Variants in SPIDR observed in about 807,000 individuals in gnomAD.
SPIDR encodes the protein DNA repair-scaffolding protein.
Under a neutral mutation model 104.6 loss-of-function variants are expected in SPIDR, and 93 were observed. The observed-to-expected ratio is 0.89, with a 90% CI of 0.75 to 1.06. The LOEUF is 1.06. SPIDR is among the 50% of genes least tolerant of loss of function. The probability of loss-of-function intolerance (pLI) is 0.00; values close to 1 mark genes in which losing one functional copy is unlikely to be tolerated. For missense variants in SPIDR, 1,154 were observed against 1,111.2 expected (o/e 1.04, Z -0.55); for synonymous variants, 431 against 416.9 (o/e 1.03, Z -0.41).
chr8:47,675,375 C>T lies in SPIDR; in HGVS notation c.1685+1434C>T, dbSNP rs563491028. On this transcript the variant is annotated intron_variant, in intron 11 of 19. Coordinates refer to ENST00000297423, the MANE Select transcript of SPIDR (RefSeq NM_001080394.4). ...ATAAATACTTCCTCTTGTTTGTAAA[C>T]AGGCAGCTATATTATAATTTAATTG... 2.6e-5 allele frequency among the ~76,000 whole-genome samples: 4 copies of T among 152,288 alleles called. No individual in the cohort carries two copies. The East Asian group carries it at 5.8e-4, about 22-fold the overall frequency.
At chr8:47,499,682 C>T (rs545773570) in intron 8 of SPIDR, among the ~76,000 whole-genome samples, 2 of 152,050 alleles carry the variant, frequency 1.3e-5, no homozygotes, top group Admixed American at 6.5e-5. Flanking sequence ...TACATGTGCA[C>T]AACGTGCAGG....
chr8:47,620,093 A>G (rs1450328696), intron 10 of SPIDR, among the ~76,000 whole-genome samples: 1 of 152,202 alleles, frequency 6.6e-6, no homozygotes, highest in East Asian at 1.9e-4. Flanking sequence ...TATTAATAGA[A>G]AGCGTACTAG....
intron 10 of SPIDR, among the ~76,000 whole-genome samples, chr8:47,612,638 T>C (rs767756851): frequency 6.6e-6 from 1 of 152,180 alleles, no homozygotes; most frequent in Non-Finnish European, 1.5e-5. Context: ...CTGTTTTATG[T>C]TTGGGTGGAA....
intron 5 of SPIDR, among the ~76,000 whole-genome samples, chr8:47,304,616 G>A (rs2042815073): frequency 6.6e-6 from 1 of 152,106 alleles, no homozygotes; most frequent in South Asian, 2.1e-4. Flanking sequence ...TTCACCATGT[G>A]AAGTGCCTGC....
Position 47,707,234 on chromosome 8 carries a change from C to CA in SPIDR, c.1977+5220dup, listed in dbSNP as rs2081226911. 2.2e-5 allele frequency among the ~76,000 whole-genome samples: 3 copies of CA among 134,656 alleles called. 1 individual carries two copies. In the South Asian group the frequency reaches 7.2e-4, roughly 32 times the overall value. The allele number at this position is 134,656 out of a possible 152,430, so 88.3% of individuals were successfully genotyped here. On this transcript the variant is annotated intron_variant, in intron 14 of 19. Transcript: ENST00000297423. Reference sequence around the variant, plus strand: ...CTCCATTGCACTCCAGCCTGGGTGACAGAGTGAGACTCTTTCTCAAAAAAA... The same window carrying CA: ...CTCCATTGCACTCCAGCCTGGGTGACAAGAGTGAGACTCTTTCTCAAAAAAA...
chr8:47,394,366 G>A (rs1168936940), intron 5 of SPIDR, among the ~76,000 whole-genome samples: 1 of 152,176 alleles, frequency 6.6e-6, no homozygotes, highest in African/African-American at 2.4e-5. Flanking sequence ...CAAGCAGCAT[G>A]AATCCTCTTC....
chr8:47,340,323 G>T (rs141821441), intron 5 of SPIDR, among the ~76,000 whole-genome samples: 5 of 152,230 alleles, frequency 3.3e-5, no homozygotes, highest in Admixed American at 1.3e-4. Context: ...AACGTGAATA[G>T]GCCAGGTGCA....
intron 12 of SPIDR, among the ~76,000 whole-genome samples, chr8:47,701,325 G>A (rs1415534174): frequency 7.9e-5 from 12 of 152,128 alleles, no homozygotes; most frequent in Admixed American, 7.2e-4. Flanking sequence ...CCAGCTACTC[G>A]GGAGGCTGAG....
At chr8:47,610,937 G>A (rs184051669) in intron 10 of SPIDR, among the ~76,000 whole-genome samples, 2 of 152,180 alleles carry the variant, frequency 1.3e-5, no homozygotes, top group Non-Finnish European at 2.9e-5. Context: ...TAAGCTCTAC[G>A]TGTTTTCTTT....
intron 5 of SPIDR, among the ~76,000 whole-genome samples, chr8:47,325,060 C>T (rs1480651907): frequency 2.2e-4 from 34 of 152,210 alleles, no homozygotes; most frequent in African/African-American, 8.2e-4. Flanking sequence ...TATTTAAAGA[C>T]CTTATCTCTA....
chr8:47,340,110 C>CT (rs148289277), intron 5 of SPIDR, among the ~76,000 whole-genome samples: 1 of 151,842 alleles, frequency 6.6e-6, no homozygotes, highest in Non-Finnish European at 1.5e-5. Flanking sequence ...TTTTTAGTGG[C>CT]TGTTATGATT....
Position 47,263,967 on chromosome 8 carries a change from C to T in SPIDR, c.33+2976C>T, listed in dbSNP as rs533686713. Among the ~76,000 whole-genome samples, 4 of 152,226 alleles carry T rather than the reference C, an allele frequency of 2.6e-5. No homozygotes were observed. The East Asian group carries it at 7.7e-4, about 29-fold the overall frequency. ...CTTCAGCCCATATTCCCCAGAATAC[C>T]TGTCATATCCCTTGTATGTACTAGA... On this transcript the variant is annotated intron_variant, in intron 1 of 19. Coordinates refer to ENST00000297423, the MANE Select transcript of SPIDR (RefSeq NM_001080394.4).
intron 5 of SPIDR, among the ~76,000 whole-genome samples, chr8:47,348,036 C>G (rs192025367): frequency 3.5e-4 from 54 of 152,214 alleles, no homozygotes; most frequent in Non-Finnish European, 1.8e-4. Context: ...CAGTTTCTTC[C>G]TAGCCTCGAT....
At chr8:47,404,008 G>A (rs191658325) in intron 6 of SPIDR, among the ~76,000 whole-genome samples, 282 of 152,310 alleles carry the variant, frequency 1.9e-3, no homozygotes, top group Admixed American at 3.7e-3. Context: ...CAGAGATACA[G>A]ACCAATGGAA....
At chr8:47,484,448 T>A (rs2077268574) in intron 8 of SPIDR, among the ~76,000 whole-genome samples, 1 of 152,206 alleles carries the variant, frequency 6.6e-6, no homozygotes, top group Non-Finnish European at 1.5e-5. Flanking sequence ...GTGAACCTCA[T>A]AGTCCTGTAT....
At chr8:47,437,471 AT>A (rs1246913934) in intron 7 of SPIDR, among the ~76,000 whole-genome samples, 1 of 151,766 alleles carries the variant, frequency 6.6e-6, no homozygotes, top group African/African-American at 2.4e-5. Context: ...TATGTGCCAC[AT>A]TTTCTTAATC....
chr8:47,487,754 T>A (rs986524202), intron 8 of SPIDR, among the ~76,000 whole-genome samples: 2 of 152,158 alleles, frequency 1.3e-5, no homozygotes, highest in African/African-American at 4.8e-5. Context: ...CCTGAATGAC[T>A]ACTGGGTACA....
intron 8 of SPIDR, among the ~76,000 whole-genome samples, chr8:47,470,054 C>G (rs1232648981): frequency 3.3e-5 from 5 of 152,034 alleles, no homozygotes; most frequent in Admixed American, 1.3e-4. Flanking sequence ...AAAATCTATT[C>G]GAATATTCAT....
chr8:47,431,676 GT>G (rs1426307775), intron 7 of SPIDR, among the ~76,000 whole-genome samples: 3 of 151,758 alleles, frequency 2.0e-5, no homozygotes, highest in Non-Finnish European at 4.4e-5. Context: ...TTGTTTTTGG[GT>G]TTTTTTTAAG....
Sources: allele counts gnomAD v4.1 joint callset (sites outside exome capture counted in the v4.1 genomes callset), GRCh38; gene constraint gnomAD v4.1.1; transcripts MANE v1.5; gene names NCBI Gene and HGNC (gene_info 2026-07-23, HGNC 2026-07-21).